The following SRPX2 variants were observed in gnomAD, a reference collection of about 807,000 sequenced individuals.
The protein encoded by SRPX2 is sushi repeat containing protein X-linked 2, also known as sushi repeat-containing protein SRPX2.
In SRPX2, 26 loss-of-function variants were observed where a neutral mutation model predicts 45.3. The observed-to-expected ratio is 0.57, with a 90% CI of 0.42 to 0.80. The LOEUF (loss-of-function observed/expected upper bound fraction) is 0.80, where lower values mean the gene tolerates loss of function less well. Ranked by LOEUF, SRPX2 falls within the 30% of genes least tolerant of loss-of-function variation. The pLI is 0.00. For missense variants in SRPX2, 355 were observed against 399.8 expected (o/e 0.89, Z 0.95); for synonymous variants, 125 against 143.7 (o/e 0.87, Z 0.93).
intron 5 of SRPX2, 105 bp from the exon 6 acceptor site, chrX:100,665,138 C>T: frequency 8.7e-7 from 1 of 1,144,556 alleles, no homozygotes; most frequent in Admixed American, 2.5e-5. Context: ...CCTTGAGCAC[C>T]TTGAACTTTT....
rs141651882 is a variant in SRPX2, at chrX:100,644,743, G to A, written c.-131+228G>A. Among the ~76,000 whole-genome samples, 8 of 111,375 alleles carry A rather than the reference G, an allele frequency of 7.2e-5. No homozygotes were observed. The East Asian group carries it at 2.0e-3, about 28-fold the overall frequency. ...GCAGAGGGATGGGATGGTTGACTCT[G>A]GTGAGTCAAGTATTAAGCCTGAGAT... is the stretch of plus-strand genomic sequence containing the variant. On this transcript the variant is annotated intron_variant, in intron 1 of 10. Coordinates refer to ENST00000373004, the MANE Select transcript of SRPX2 (RefSeq NM_014467.3).
chrX:100,658,222 T>C (rs2083176829), intron 3 of SRPX2, among the ~76,000 whole-genome samples: 1 of 112,263 alleles, frequency 8.9e-6, no homozygotes. Context: ...CTATGTTTTC[T>C]TCTAGTAATT....
Position 100,674,979 on chromosome X carries a change from T to A in SRPX2, c.*3992T>A, listed in dbSNP as rs1191494034. ...ACAGGGAGACTCTGTCTACATTCCC[T>A]TAGAGCCCTTAACAGTCCCCAGCCT... On this transcript the variant is annotated 3_prime_UTR_variant, in exon 11 of 11. Coordinates refer to ENST00000373004, the MANE Select transcript of SRPX2 (RefSeq NM_014467.3). The A allele has an allele frequency of 2.7e-5, 3 of 111,974 alleles. No individual in the cohort carries two copies. Among genetic ancestry groups the A allele is most frequent in the African/African-American group, 9.8e-5 (3 of 30,769 alleles). The allele number at this position is 111,974 out of a possible 1,213,427, so 9.2% of individuals were successfully genotyped here.
chrX:100,669,352 C>A lies in SRPX2; in HGVS notation c.1200C>A (p.Asn400Lys). The A allele has an allele frequency of 8.6e-7, 1 of 1,161,986 alleles. No homozygotes were observed. Among genetic ancestry groups the A allele is most frequent in the Non-Finnish European group, 1.1e-6 (1 of 871,393 alleles). Residue 400 changes from asparagine to lysine, a missense_variant, in exon 10 of 11, where the codon AAC (asparagine) becomes AAA (lysine). Transcript: ENST00000373004. ...TCCGGGAGCAACAGCTGTCAGCCAA[C>A]ATCATCGAGGAGCTCAGGTCCAGGC... ...GRIREQQLSA[N>K]IIEELRQFQR...
intron 2 of SRPX2, among the ~76,000 whole-genome samples, chrX:100,647,506 C>T (rs1199805057): frequency 8.9e-6 from 1 of 112,271 alleles, no homozygotes; most frequent in African/African-American, 3.2e-5. Context: ...AAGTCAAGCC[C>T]TTGGCAGAGC....
rs1168584633 is a variant in SRPX2, at chrX:100,675,136, T to TATCTC, written c.*4154_*4158dup. 1 of 112,188 alleles carries TATCTC rather than the reference T, an allele frequency of 8.9e-6. No homozygotes were observed. The highest frequency in any genetic ancestry group is 3.3e-5 in the African/African-American group (1 of 30,738). 9.2% of individuals were successfully genotyped at this position (112,188 alleles called of 1,213,427 possible). ...CAGATGTGGTACATGAGGATGAATATATCTCATCTTTCATTCGAGAAATGA... is the reference window on the plus strand; with the variant it reads ...CAGATGTGGTACATGAGGATGAATATATCTCATCTCATCTTTCATTCGAGAAATGA... On this transcript the variant is annotated 3_prime_UTR_variant, in exon 11 of 11. Transcript: ENST00000373004.
At chrX:100,650,419 G>T (rs373106876) in intron 2 of SRPX2, among the ~76,000 whole-genome samples, 48 of 111,851 alleles carry the variant, frequency 4.3e-4, no homozygotes, top group African/African-American at 1.6e-3. Flanking sequence ...TCAGAGATTA[G>T]TCCCCAGTGT....
chrX:100,645,925 C>T (rs2083133915), intron 1 of SRPX2, among the ~76,000 whole-genome samples: 1 of 111,585 alleles, frequency 9.0e-6, no homozygotes, highest in African/African-American at 3.3e-5. Flanking sequence ...TCACCAGGTT[C>T]CCTCCTGGTT....
intron 3 of SRPX2, among the ~76,000 whole-genome samples, chrX:100,659,173 G>A (rs755912964): frequency 3.6e-5 from 4 of 111,837 alleles, no homozygotes; most frequent in East Asian, 2.8e-4. Flanking sequence ...ACTGCCATAC[G>A]CCTTATGTTT....
Position 100,671,215 on chromosome X carries a change from G to T in SRPX2, c.*228G>T. On this transcript the variant is annotated 3_prime_UTR_variant, in exon 11 of 11. Coordinates refer to ENST00000373004, the MANE Select transcript of SRPX2 (RefSeq NM_014467.3). Reference sequence around the variant, plus strand: ...ACAGGCCTTGGGCAGTGGGTTGGGGGTAGAAGTTCTTCCTTTCCTAACCCG... The same window carrying T: ...ACAGGCCTTGGGCAGTGGGTTGGGGTTAGAAGTTCTTCCTTTCCTAACCCG... 2.3e-6 allele frequency: 1 copy of T among 435,596 alleles called. No homozygotes were observed. The highest frequency in any genetic ancestry group is 4.0e-6 in the Non-Finnish European group (1 of 249,886). The allele number at this position is 435,596 out of a possible 1,213,427, so 35.9% of individuals were successfully genotyped here. A position where few individuals can be genotyped will look rare whatever the true frequency, so the allele number is the denominator to read the frequency against.
At position 100,672,728 on chromosome X, in the gene SRPX2, A is replaced by T. The variant is rs2083232816; in HGVS notation, c.*1741A>T. The T allele has an allele frequency of 8.9e-6, 1 of 111,886 alleles. No homozygotes were observed. Among genetic ancestry groups the T allele is most frequent in the Non-Finnish European group, 1.9e-5 (1 of 53,249 alleles). The allele number at this position is 111,886 out of a possible 1,213,427, so 9.2% of individuals were successfully genotyped here. A position where few individuals can be genotyped will look rare whatever the true frequency, so the allele number is the denominator to read the frequency against. On this transcript the variant is annotated 3_prime_UTR_variant, in exon 11 of 11. Coordinates refer to ENST00000373004, the MANE Select transcript of SRPX2 (RefSeq NM_014467.3). ...TTCCATGTTCTATAATCCTACCCAG[A>T]CACAAGGCTCAGAGTGGGCTCAGGA...
At chrX:100,655,380 A>G (rs1278659890) in intron 3 of SRPX2, among the ~76,000 whole-genome samples, 1 of 106,263 alleles carries the variant, frequency 9.4e-6, no homozygotes, top group Non-Finnish European at 1.9e-5. Context: ...TATTAAAAGT[A>G]GTTATTTGGG....
At chrX:100,668,142 A>G (rs2083210691) in intron 9 of SRPX2, among the ~76,000 whole-genome samples, 1 of 110,185 alleles carries the variant, frequency 9.1e-6, no homozygotes, top group South Asian at 3.9e-4. Flanking sequence ...GGGACTTATA[A>G]AAGAACAGGC....
intron 2 of SRPX2, among the ~76,000 whole-genome samples, chrX:100,649,979 C>A (rs1025937372): frequency 5.3e-5 from 6 of 112,181 alleles, no homozygotes; most frequent in Non-Finnish European, 1.1e-4. Context: ...CGATTTCCTG[C>A]CGTCTGGTGG....
intron 3 of SRPX2, among the ~76,000 whole-genome samples, chrX:100,653,295 A>G (rs1300505685): frequency 2.7e-5 from 3 of 111,309 alleles, no homozygotes; most frequent in East Asian, 2.8e-4. Context: ...TTCTGATAAC[A>G]CTACCATCAT....
At chrX:100,662,397 A>G (rs1221556663) in intron 4 of SRPX2, 30 bp downstream of exon 4, 1 of 1,206,491 alleles carries the variant, frequency 8.3e-7, no homozygotes, top group East Asian at 3.0e-5. Flanking sequence ...ATGCTGATGT[A>G]TGTATGCGAG....
intron 3 of SRPX2, among the ~76,000 whole-genome samples, chrX:100,651,941 C>T (rs2083155004): frequency 9.0e-6 from 1 of 111,529 alleles, no homozygotes; most frequent in Admixed American, 9.5e-5. Context: ...GAAGTTAGGC[C>T]AGGTGGTATC....
Position 100,645,121 on chromosome X carries a change from C to T in SRPX2, c.-131+606C>T, listed in dbSNP as rs750369169. Among the ~76,000 whole-genome samples the T allele has an allele frequency of 5.5e-4, 62 of 111,859 alleles. No individual in the cohort carries two copies. In the Middle Eastern group the frequency reaches 0.018, roughly 33 times the overall value. On this transcript the variant is annotated intron_variant, in intron 1 of 10. Coordinates refer to ENST00000373004, the MANE Select transcript of SRPX2 (RefSeq NM_014467.3). ...CCAAGTAGCAATGAACTAAAAAATA[C>T]ACTTTTCCCTTTCTTGGGCTTTGCA...
chrX:100,665,088 A>G, intron 5 of SRPX2, 138 bp downstream of exon 5: 1 of 1,062,862 alleles, frequency 9.4e-7, no homozygotes, highest in Non-Finnish European at 1.3e-6. Flanking sequence ...GCTAAACAAA[A>G]TGATCTTCTC....
Sources: allele counts gnomAD v4.1 joint callset (sites outside exome capture counted in the v4.1 genomes callset), GRCh38; gene constraint gnomAD v4.1.1; transcripts MANE v1.5; gene names NCBI Gene and HGNC (gene_info 2026-07-23, HGNC 2026-07-21).